DNAH17: variants seen among roughly 807,000 people sequenced by gnomAD.
The protein encoded by DNAH17 is axonemal beta dynein heavy chain 17.
In DNAH17, 376 loss-of-function variants were observed where a neutral mutation model predicts 485.6. The observed-to-expected ratio is 0.77, with a 90% confidence interval of 0.71 to 0.84. The LOEUF is 0.84. DNAH17 is among the 40% of genes least tolerant of loss of function. DNAH17 has a pLI of 0.00. For missense variants in DNAH17, 6,370 were observed against 5,839.3 expected, an observed-to-expected ratio of 1.09 and a Z score of -2.96; for synonymous variants, 3,031 against 2,405.9, an observed-to-expected ratio of 1.26 and a Z score of -7.60.
chr17:78,512,077 C>T (rs534449925), intron 26 of DNAH17, among the ~76,000 whole-genome samples: 7 of 152,280 alleles, frequency 4.6e-5, no homozygotes, highest in African/African-American at 1.4e-4. Context: ...GAGCAGGAGC[C>T]TCTAACACTC....
At chr17:78,521,621 G>A (rs1384998785) in intron 25 of DNAH17, among the ~76,000 whole-genome samples, 1 of 152,090 alleles carries the variant, frequency 6.6e-6, no homozygotes. Flanking sequence ...TAGGAAAAGA[G>A]TTCATAATCT....
intron 70 of DNAH17, 72 bp from the exon 71 acceptor site, chr17:78,444,869 C>T (rs928583069): frequency 2.1e-6 from 3 of 1,419,478 alleles, no homozygotes; most frequent in Middle Eastern, 1.9e-4. Flanking sequence ...CTGTACAGTT[C>T]ATTCAAGGAG....
At position 78,545,663 on chromosome 17, in the gene DNAH17, TGA is replaced by T. The variant is rs144793205; in HGVS notation, c.2392-1668_2392-1667del. ...ATCACGGCTTCCACAAAGGAGTGTT[TGA>T]GAGTCACAAACGTACAGTCCATGGC... is the stretch of plus-strand genomic sequence containing the variant. On this transcript the variant is annotated intron_variant, in intron 16 of 80. Transcript: ENST00000389840. Among the ~76,000 whole-genome samples the T allele has an allele frequency of 3.9e-3, 601 of 152,330 alleles. 3 individuals are homozygous for T. Among genetic ancestry groups the T allele is most frequent in the African/African-American group, 0.013 (548 of 41,568 alleles).
Position 78,567,354 on chromosome 17 carries a change from C to A in DNAH17, c.1285-188G>T, listed in dbSNP as rs114611738. ...CTTTAAGCAAATATTCCATCCCCTG[C>A]AGAAAGAGGGGATGGAAGGAAGGGC... On this transcript the variant is annotated intron_variant, in intron 9 of 80. Coordinates refer to ENST00000389840, the MANE Select transcript of DNAH17 (RefSeq NM_173628.4). Among the ~76,000 whole-genome samples, 587 of 152,090 alleles carry A rather than the reference C, an allele frequency of 3.9e-3. 5 individuals carry two copies. Among genetic ancestry groups the A allele is most frequent in the African/African-American group, 0.014 (561 of 41,464 alleles).
chr17:78,443,580 C>T (rs377261217), intron 71 of DNAH17, among the ~76,000 whole-genome samples: 4 of 152,076 alleles, frequency 2.6e-5, no homozygotes, highest in Admixed American at 2.0e-4. Flanking sequence ...GGCAGGGTCT[C>T]GCTCTGTCAC....
chr17:78,452,549 C>A (rs2087599094), intron 65 of DNAH17, among the ~76,000 whole-genome samples: 2 of 152,276 alleles, frequency 1.3e-5, no homozygotes, highest in South Asian at 4.1e-4. Context: ...ATCATCCTGG[C>A]CAACATGGGG....
At position 78,558,093 on chromosome 17, in the gene DNAH17, G is replaced by T. The variant is rs373717711; in HGVS notation, c.2178+15C>A. On this transcript the variant is annotated intron_variant, in intron 14 of 80. Transcript: ENST00000389840. ...ACAAAGCTGCATCAGGAATAGTACC[G>T]ACTCACCAACTCACCTCATTATACC... The T allele has an allele frequency of 3.1e-6, 5 of 1,609,464 alleles. No individual in the cohort carries two copies. In the Admixed American group the frequency reaches 5.1e-5, roughly 16 times the overall value.
rs1400430939 is a variant in DNAH17, at chr17:78,507,417, G to A, written c.4584+41C>T. The A allele has an allele frequency of 6.8e-6, 11 of 1,613,568 alleles. No homozygotes were observed. In the African/African-American group the frequency reaches 1.2e-4, roughly 18 times the overall value. ...AAGGCATTAGGGATCGCCACACACA[G>A]TCATTTCTGAAGTGCGTGGGAACCA... On this transcript the variant is annotated intron_variant, in intron 28 of 80. Coordinates refer to ENST00000389840, the MANE Select transcript of DNAH17 (RefSeq NM_173628.4).
At chr17:78,450,110 G>A in intron 68 of DNAH17, 144 bp downstream of exon 68, 3 of 992,338 alleles carry the variant, frequency 3.0e-6, no homozygotes, top group Non-Finnish European at 3.0e-6. Flanking sequence ...CCCTCTTCCA[G>A]CTCCATCTGC....
chr17:78,570,878 A>AAG, intron 6 of DNAH17, 70 bp downstream of exon 6: 1 of 735,096 alleles, frequency 1.4e-6, no homozygotes, highest in Non-Finnish European at 2.0e-6. Flanking sequence ...AAAAAAAAAA[A>AAG]GAAAAAAGAA....
At chr17:78,472,272 A>AGGGGTGTGAGGGTTAGGGTTAGGGAGTG (rs2088790567) in intron 54 of DNAH17, among the ~76,000 whole-genome samples, 1 of 105,448 alleles carries the variant, frequency 9.5e-6, no homozygotes, top group Non-Finnish European at 1.9e-5. Context: ...GTTAGGGAGT[A>AGGGGTGTGAGGGTTAGGGTTAGGGAGTG]GGGGTGCGAG....
chr17:78,430,377 T>C (rs1289455131), intron 75 of DNAH17, among the ~76,000 whole-genome samples: 1 of 152,216 alleles, frequency 6.6e-6, no homozygotes, highest in Admixed American at 6.5e-5. Flanking sequence ...ACAGTCAGCT[T>C]CTTCCTGCTT....
chr17:78,444,605 T>C lies in DNAH17; in HGVS notation c.11527A>G (p.Lys3843Glu), dbSNP rs924941741. The C allele has an allele frequency of 5.8e-6, 9 of 1,555,792 alleles. No individual in the cohort carries two copies. In the African/African-American group the frequency reaches 6.9e-5, roughly 12 times the overall value. ...CCCCCGGCGCGGCGGGACACTCACTTGATAGCGTAGGTCATGCGATCTGGC... is the reference window on the plus strand; with the variant it reads ...CCCCCGGCGCGGCGGGACACTCACTCGATAGCGTAGGTCATGCGATCTGGC... ...LRPDRMTYAIKNFVEEKMGSK... is the reference protein window; with the variant it reads ...LRPDRMTYAIENFVEEKMGSK... The change falls in exon 71 of 81, where the codon AAG becomes GAG. Residue 3843 changes from lysine to glutamate, a missense_variant and splice_region_variant. Coordinates refer to ENST00000389840, the MANE Select transcript of DNAH17 (RefSeq NM_173628.4).
At chr17:78,531,991 T>TGAGCCAACCCG (rs2091252758) in intron 20 of DNAH17, among the ~76,000 whole-genome samples, 1 of 152,174 alleles carries the variant, frequency 6.6e-6, no homozygotes, top group Non-Finnish European at 1.5e-5. Flanking sequence ...CATATGCAAA[T>TGAGCCAACCCG]GAGCCAACCC....
Position 78,450,830 on chromosome 17 carries a change from G to A in DNAH17, c.10751C>T (p.Ser3584Phe). The change falls in exon 67 of 81, where the codon TCT becomes TTT. Residue 3584 changes from serine to phenylalanine, a missense_variant. Coordinates refer to ENST00000389840, the MANE Select transcript of DNAH17 (RefSeq NM_173628.4). ...LEQLKANLTK[S>F]QNEFKIVLKE... ...CAGAACAATCTTAAATTCGTTTTGA[G>A]ACTTGGTGAGGTTTGCCTGCAAGGG... The A allele has an allele frequency of 2.5e-6, 4 of 1,613,978 alleles. No individual in the cohort carries two copies. In the South Asian group the frequency reaches 3.3e-5, roughly 13 times the overall value.
intron 62 of DNAH17, among the ~76,000 whole-genome samples, 190 bp from the exon 63 acceptor site, chr17:78,456,026 G>C (rs562683538): frequency 3.9e-5 from 6 of 152,296 alleles, no homozygotes; most frequent in African/African-American, 1.4e-4. Context: ...GTGGCCGGGC[G>C]TGGTGGTCAT....
intron 66 of DNAH17, among the ~76,000 whole-genome samples, chr17:78,451,119 T>C (rs2087531378): frequency 6.6e-6 from 1 of 152,234 alleles, no homozygotes; most frequent in South Asian, 2.1e-4. Flanking sequence ...CAAGTGGCTA[T>C]AACAGCCAGA....
rs754988436 is a variant in DNAH17 at position 78,566,683 on chromosome 17, C to T, written c.1500G>A (p.Leu500=). ...YADFEIKIQD[L]DRRLATIFCQ... ...AAAAGATCGTGGCCAGCCTCCTATC[C>T]AGGTCTTGGATTTTGATCTCAAAAT... The change falls in exon 11 of 81, where the codon CTG becomes CTA. Residue 500 remains leucine, a synonymous_variant. Transcript: ENST00000389840. 6.2e-7 allele frequency: 1 copy of T among 1,610,422 alleles called. No homozygotes were observed. Among genetic ancestry groups the T allele is most frequent in the African/African-American group, 1.3e-5 (1 of 74,886 alleles).
At position 78,571,900 on chromosome 17, in the gene DNAH17, G is replaced by A. The variant is rs1423257487; in HGVS notation, c.540-118C>T. On this transcript the variant is annotated intron_variant, in intron 3 of 80. Transcript: ENST00000389840. ...AAACCACCAGCAGCAGCACCGTCTG[G>A]TCTCATGTCCCTGGTGCCTCCAGCC... 8 of 1,001,234 alleles carry A rather than the reference G, an allele frequency of 8.0e-6. No homozygotes were observed. In the East Asian group the frequency reaches 1.1e-4, roughly 13 times the overall value. The allele number at this position is 1,001,234 out of a possible 1,614,324, so 62.0% of individuals were successfully genotyped here.
Sources: allele counts gnomAD v4.1 joint callset (sites outside exome capture counted in the v4.1 genomes callset), GRCh38; gene constraint gnomAD v4.1.1; transcripts MANE v1.5; gene names NCBI Gene and HGNC (gene_info 2026-07-23, HGNC 2026-07-21).